NBAS: variants seen among roughly 807,000 people sequenced by gnomAD.
NBAS encodes the protein NAG/BC035112 fusion.
A neutral mutation model predicts 302.5 loss-of-function variants in NBAS; 219 were observed. The ratio of observed to expected loss-of-function variants is 0.72; its 90% CI spans 0.65 to 0.81. NBAS has a LOEUF of 0.81. Among genes scored for constraint, NBAS ranks in the 30% least tolerant of loss-of-function variants. The probability of loss-of-function intolerance (pLI) is 0.00; values close to 1 mark genes in which losing one functional copy is unlikely to be tolerated. For synonymous variants in NBAS, 1,118 were observed against 1,021.6 expected, an observed-to-expected ratio of 1.09 and a Z score of -1.80; for missense variants, 2,932 against 2,841.6, an observed-to-expected ratio of 1.03 and a Z score of -0.72.
chr2:14,990,943 G>C, the NBAS span, among the ~76,000 whole-genome samples: 1 of 152,192 alleles, frequency 6.6e-6, no homozygotes, highest in Non-Finnish European at 1.5e-5. Flanking sequence ...AGACATGGGA[G>C]GGACTAAACC....
chr2:14,879,530 C>A, the NBAS span, among the ~76,000 whole-genome samples: 1 of 152,016 alleles, frequency 6.6e-6, no homozygotes, highest in African/African-American at 2.4e-5. Context: ...TATCAATATA[C>A]AAACATTACT....
chr2:14,989,105 C>T, the NBAS span, among the ~76,000 whole-genome samples: 2 of 152,062 alleles, frequency 1.3e-5, no homozygotes, highest in Admixed American at 6.5e-5. Context: ...GTAAATACCA[C>T]CAAATAGTAT....
the NBAS span, among the ~76,000 whole-genome samples, chr2:14,788,671 G>A: frequency 0.026 from 3,971 of 152,238 alleles, 185 homozygotes; most frequent in African/African-American, 0.089. Context: ...CTGTCTGATC[G>A]TTCCTCTGGA....
At chr2:14,993,508 C>CTGTT in the NBAS span, among the ~76,000 whole-genome samples, 1 of 152,328 alleles carries the variant, frequency 6.6e-6, no homozygotes, top group East Asian at 1.9e-4. Context: ...TCTTCTAGAA[C>CTGTT]AACACCATAC....
the NBAS span, among the ~76,000 whole-genome samples, chr2:14,844,223 A>C: frequency 2.0e-5 from 3 of 152,184 alleles, no homozygotes; most frequent in Admixed American, 6.5e-5. Context: ...CCACAGCAGG[A>C]AAGGACACCA....
chr2:14,787,115 T>A, the NBAS span, among the ~76,000 whole-genome samples: 2 of 152,198 alleles, frequency 1.3e-5, no homozygotes, highest in Non-Finnish European at 2.9e-5. Context: ...TGGTTTAAAG[T>A]CTGTTTTATC....
chr2:15,415,794 G>T, intron 24 of NBAS, 75 bp from the exon 25 acceptor site: 1 of 1,509,810 alleles, frequency 6.6e-7, no homozygotes, highest in Admixed American at 1.7e-5. Context: ...CAGACAGCGA[G>T]TTCTAAAGCT....
At chr2:15,368,254 C>CA (rs907874658) in intron 31 of NBAS, among the ~76,000 whole-genome samples, 5 of 129,528 alleles carry the variant, frequency 3.9e-5, no homozygotes, top group African/African-American at 1.5e-4. Context: ...GGCTGGAGTG[C>CA]AGTGGCGTAA....
chr2:15,100,970 A>G, the NBAS span, among the ~76,000 whole-genome samples: 2 of 152,254 alleles, frequency 1.3e-5, no homozygotes, highest in Non-Finnish European at 2.9e-5. Context: ...ATTAGTTTGC[A>G]AGAATAACAG....
At chr2:15,202,370 A>G (rs1665918625) in intron 48 of NBAS, among the ~76,000 whole-genome samples, 1 of 152,198 alleles carries the variant, frequency 6.6e-6, no homozygotes, top group Admixed American at 6.5e-5. Context: ...ATGACTAAAT[A>G]TATTTTATGA....
chr2:15,423,742 C>A (rs548974557), intron 23 of NBAS, among the ~76,000 whole-genome samples: 2 of 152,134 alleles, frequency 1.3e-5, no homozygotes, highest in African/African-American at 2.4e-5. Context: ...GCAATAGGTC[C>A]GAGTCACAAA....
intron 33 of NBAS, among the ~76,000 whole-genome samples, chr2:15,355,912 A>G (rs1673593164): frequency 6.6e-6 from 1 of 152,208 alleles, no homozygotes; most frequent in Non-Finnish European, 1.5e-5. Context: ...GAACGAAATA[A>G]TACACTATCT....
In NBAS at chr2:15,512,588, G is replaced by A. The variant is rs557637796; in HGVS notation, c.747-1238C>T. On this transcript the variant is annotated intron_variant, in intron 9 of 51. Coordinates refer to ENST00000281513, the MANE Select transcript of NBAS (RefSeq NM_015909.4). Reference sequence around the variant, plus strand: ...CAGGTGGCCCCGAAGTAATCACAAGGATCCTTAAAGGTAGAAAGGGGCAGC... The same window carrying A: ...CAGGTGGCCCCGAAGTAATCACAAGAATCCTTAAAGGTAGAAAGGGGCAGC... Among the ~76,000 whole-genome samples, 569 of 152,248 alleles carry A rather than the reference G, an allele frequency of 3.7e-3. 2 individuals carry two copies. The highest frequency in any genetic ancestry group is 0.017 in the Middle Eastern group (5 of 294).
the NBAS span, among the ~76,000 whole-genome samples, chr2:14,844,585 A>G: frequency 6.6e-6 from 1 of 152,172 alleles, no homozygotes; most frequent in Non-Finnish European, 1.5e-5. Flanking sequence ...GAGGTAGCAC[A>G]CCAAGTGGGC....
chr2:14,912,702 TTAAAAAAAAAAAAAAA>T, the NBAS span, among the ~76,000 whole-genome samples: 37 of 101,304 alleles, frequency 3.7e-4, no homozygotes, highest in Non-Finnish European at 6.9e-4. Flanking sequence ...GCATTCATTT[TTAAAAAAAAAAAAAAA>T]AAAAAAAAAA....
chr2:15,353,232 G>A (rs1212111446), intron 34 of NBAS, among the ~76,000 whole-genome samples: 1 of 152,064 alleles, frequency 6.6e-6, no homozygotes. Flanking sequence ...TATGATTTCA[G>A]ACATATTTTA....
intron 42 of NBAS, among the ~76,000 whole-genome samples, chr2:15,278,306 T>A (rs1169128912): frequency 1.3e-5 from 2 of 152,202 alleles, no homozygotes; most frequent in Non-Finnish European, 2.9e-5. Flanking sequence ...TAAGACACAG[T>A]GCAAACATTT....
chr2:15,261,252 C>A (rs994995875), intron 44 of NBAS, among the ~76,000 whole-genome samples: 1 of 152,154 alleles, frequency 6.6e-6, no homozygotes, highest in Non-Finnish European at 1.5e-5. Flanking sequence ...AGGCTGTGGA[C>A]CCCCACTTAG....
intron 12 of NBAS, among the ~76,000 whole-genome samples, chr2:15,479,391 C>T (rs890270430): frequency 2.0e-5 from 3 of 152,110 alleles, no homozygotes; most frequent in Non-Finnish European, 2.9e-5. Context: ...TTTTAAAGCA[C>T]CTGACAATTT....
Sources: allele counts gnomAD v4.1 joint callset (sites outside exome capture counted in the v4.1 genomes callset), GRCh38; gene constraint gnomAD v4.1.1; transcripts MANE v1.5; gene names NCBI Gene and HGNC (gene_info 2026-07-23, HGNC 2026-07-21).